RNF41: variants seen among roughly 807,000 people sequenced by gnomAD.
RNF41 encodes ring finger protein 41.
Under a neutral mutation model 33.0 loss-of-function variants are expected in RNF41, and 4 were observed. The ratio of observed to expected loss-of-function variants is 0.12; its 90% CI spans 0.06 to 0.28. The LOEUF is 0.28. Ranked by LOEUF, RNF41 falls within the 10% of genes least tolerant of loss-of-function variation. The pLI, the probability that RNF41 is intolerant of heterozygous loss-of-function variation, is 1.00. For synonymous variants in RNF41, 164 were observed against 153.2 expected (o/e 1.07, Z -0.52); for missense variants, 228 against 432.6 (o/e 0.53, Z 4.19).
intron 4 of RNF41, among the ~76,000 whole-genome samples, chr12:56,209,602 T>A (rs148248024): frequency 0.033 from 5,037 of 152,150 alleles, 274 homozygotes; most frequent in African/African-American, 0.12. Context: ...GGACTACAGG[T>A]GCCTGCCACC....
At position 56,208,170 on chromosome 12, in the gene RNF41, G is replaced by A. The variant is rs752806548; in HGVS notation, c.491C>T (p.Ala164Val). 3.1e-6 allele frequency: 5 copies of A among 1,614,012 alleles called. No homozygotes were observed. Among genetic ancestry groups the A allele is most frequent in the East Asian group, 2.2e-5 (1 of 44,902 alleles). ...KTSAEHKHQL[A>V]EQKRDIQLLK... Reference sequence around the variant, plus strand: ...CCGTGTCTTGGGGCCTACCTGCTCCGCCAGCTGGTGTTTGTGTTCAGCTGA... The same window carrying A: ...CCGTGTCTTGGGGCCTACCTGCTCCACCAGCTGGTGTTTGTGTTCAGCTGA... Residue 164 changes from alanine (A) to valine (V), a missense_variant, in exon 5 of 7, where the codon GCG (alanine) becomes GTG (valine). This residue lies in a region of RNF41 where 199 missense variants were observed against 334.6 expected (regional missense o/e 0.59). Transcript: ENST00000345093.
chr12:56,210,678 CAA>C lies in RNF41; in HGVS notation c.91-112_91-111del. On this transcript the variant is annotated intron_variant, in intron 3 of 6. Coordinates refer to ENST00000345093, the MANE Select transcript of RNF41 (RefSeq NM_005785.4). ...TCAAGCCTTTGAGCAGCCTCTACGACAAGAGGTCCACTGGGTCACAGCAAAGT... is the reference window on the plus strand; with the variant it reads ...TCAAGCCTTTGAGCAGCCTCTACGACGAGGTCCACTGGGTCACAGCAAAGT... 1.4e-5 allele frequency: 15 copies of C among 1,075,894 alleles called. No individual in the cohort carries two copies. In the South Asian group the frequency reaches 2.0e-4, roughly 15 times the overall value. The allele number at this position is 1,075,894 out of a possible 1,614,324, so 66.6% of individuals were successfully genotyped here.
intron 6 of RNF41, chr12:56,207,124 C>T: frequency 7.6e-7 from 1 of 1,311,950 alleles, no homozygotes; most frequent in Non-Finnish European, 9.8e-7. Context: ...TATCCTATGT[C>T]CCACTCAGCA....
In RNF41 at chr12:56,210,444, A is replaced by G; in HGVS notation, c.215T>C (p.Met72Thr). Residue 72 changes from methionine to threonine, a missense_variant, in exon 4 of 7, where the codon ATG becomes ACG. By Grantham distance (81) the Met-to-Thr change is moderately conservative (BLOSUM62 -1). Transcript: ENST00000345093. ...CTGCAGCTTTGACAACATGTTCCGC[A>G]TGATCCGAGGTACTGGGCGCAGATG... Reference protein sequence around the residue: ...VAHLRPVPRIMRNMLSKLQIA... With the variant: ...VAHLRPVPRITRNMLSKLQIA... 6.2e-7 allele frequency: 1 copy of G among 1,614,224 alleles called. No individual in the cohort carries two copies. The highest frequency in any genetic ancestry group is 8.5e-7 in the Non-Finnish European group (1 of 1,180,030).
chr12:56,213,961 T>C lies in RNF41; in HGVS notation c.87A>G (p.Val29=). The part of the protein sequence containing the change: ...PICSGVLEEP[V]QAPHCEHAFC... ...ACCTGCCATCAGACCAACTCACCTG[T>C]ACTGGCTCCTCCAAGACTCCACTGC... is the stretch of plus-strand genomic sequence containing the variant. The change falls in exon 3 of 7, where the codon GTA becomes GTG. Residue 29 remains valine (V), a synonymous_variant. Transcript: ENST00000345093. The C allele has an allele frequency of 6.2e-7, 1 of 1,611,248 alleles. No individual in the cohort carries two copies. The highest frequency in any genetic ancestry group is 8.5e-7 in the Non-Finnish European group (1 of 1,177,398).
chr12:56,212,131 G>A (rs1229498172), intron 3 of RNF41, among the ~76,000 whole-genome samples: 6 of 152,130 alleles, frequency 3.9e-5, no homozygotes, highest in African/African-American at 7.2e-5. Context: ...ATATACATAT[G>A]TATACACAAA....
intron 1 of RNF41, among the ~76,000 whole-genome samples, chr12:56,220,766 A>C (rs1290255062): frequency 6.6e-6 from 1 of 151,770 alleles, no homozygotes; most frequent in East Asian, 1.9e-4. Flanking sequence ...AAATAAATTT[A>C]GAGTACTGAG....
chr12:56,220,376 C>T (rs945580988), intron 1 of RNF41, among the ~76,000 whole-genome samples: 4 of 138,234 alleles, frequency 2.9e-5, no homozygotes, highest in African/African-American at 5.4e-5. Flanking sequence ...AGCCATGCCC[C>T]GGCTAATTTT....
chr12:56,208,076 G>C (rs979174631), intron 5 of RNF41, 87 bp downstream of exon 5: 2 of 1,497,780 alleles, frequency 1.3e-6, no homozygotes, highest in African/African-American at 1.4e-5. Flanking sequence ...GCACTGGTCT[G>C]TGTGTTCACA....
At chr12:56,219,674 C>CACACACACACACAT (rs1376670390) in intron 1 of RNF41, among the ~76,000 whole-genome samples, 3 of 148,650 alleles carry the variant, frequency 2.0e-5, no homozygotes, top group Admixed American at 6.6e-5. Flanking sequence ...TGTATATACA[C>CACACACACACACAT]GCGCGCACCC....
At chr12:56,212,908 T>G (rs2135807998) in intron 3 of RNF41, 1 of 914,208 alleles carries the variant, frequency 1.1e-6, no homozygotes, top group African/African-American at 1.7e-5. Flanking sequence ...GATTAATTGG[T>G]ATTTACAGAA....
Position 56,207,758 on chromosome 12 carries a change from G to T in RNF41, c.499-9C>A. ...AGCTGGATGTCTCGCTTCTGTTGTG[G>T]GGAAGAAGAACAGGAATAATGGTTA... On this transcript the variant is annotated splice_polypyrimidine_tract_variant and intron_variant, in intron 5 of 6. Coordinates refer to ENST00000345093, the MANE Select transcript of RNF41 (RefSeq NM_005785.4). 1 of 1,608,004 alleles carries T rather than the reference G, an allele frequency of 6.2e-7. No individual in the cohort carries two copies. The highest frequency in any genetic ancestry group is 8.5e-7 in the Non-Finnish European group (1 of 1,174,432).
intron 3 of RNF41, 122 bp downstream of exon 3, chr12:56,213,836 A>C: frequency 1.4e-6 from 1 of 738,976 alleles, no homozygotes; most frequent in East Asian, 2.5e-5. Context: ...CTAAATCTCT[A>C]TTGGGTGAGG....
At chr12:56,219,255 G>A (rs568134892) in intron 1 of RNF41, among the ~76,000 whole-genome samples, 1 of 150,052 alleles carries the variant, frequency 6.7e-6, no homozygotes, top group Admixed American at 6.6e-5. Flanking sequence ...GCAGTGATGC[G>A]ATCTCGGCTC....
chr12:56,215,891 G>T (rs977586483), intron 2 of RNF41, among the ~76,000 whole-genome samples: 8 of 151,892 alleles, frequency 5.3e-5, no homozygotes, highest in African/African-American at 1.7e-4. Flanking sequence ...GGAGGCCGAG[G>T]TGGGTGGATC....
At chr12:56,218,490 T>A (rs1332186053) in intron 1 of RNF41, among the ~76,000 whole-genome samples, 1 of 150,218 alleles carries the variant, frequency 6.7e-6, no homozygotes, top group African/African-American at 2.5e-5. Context: ...CTTGAACTCC[T>A]GGGCAGGCTC....
intron 1 of RNF41, among the ~76,000 whole-genome samples, chr12:56,217,647 T>A (rs1356685642): frequency 1.4e-4 from 22 of 152,174 alleles, no homozygotes; most frequent in Admixed American, 1.4e-3. Context: ...AGTACCAGAC[T>A]GTGGCCTATC....
At chr12:56,208,390 G>C (rs574721232) in intron 4 of RNF41, 92 bp from the exon 5 acceptor site, 11 of 1,388,828 alleles carry the variant, frequency 7.9e-6, no homozygotes, top group Non-Finnish European at 9.9e-6. Context: ...CTGCTAAGTA[G>C]ATTTTGTCCT....
intron 1 of RNF41, among the ~76,000 whole-genome samples, chr12:56,219,195 A>T (rs182174205): frequency 0.057 from 7,724 of 135,870 alleles, 271 homozygotes; most frequent in African/African-American, 0.078. Context: ...TTATTTATTT[A>T]TTTATTTTTT....
Sources: allele counts gnomAD v4.1 joint callset (sites outside exome capture counted in the v4.1 genomes callset), GRCh38; gene constraint gnomAD v4.1.1; regional missense constraint gnomAD v4.1.1; transcripts MANE v1.5; gene names NCBI Gene and HGNC (gene_info 2026-07-23, HGNC 2026-07-21).